The following PRKN variants were observed in gnomAD, a reference collection of about 807,000 sequenced individuals.
PRKN encodes E3 ubiquitin-protein ligase parkin.
A neutral mutation model predicts 59.5 loss-of-function variants in PRKN; 56 were observed. The observed-to-expected ratio is 0.94, with a 90% CI of 0.76 to 1.18. The LOEUF is 1.18. Among genes scored for constraint, PRKN ranks in the 50% most tolerant of loss-of-function variants. PRKN has a pLI of 0.00. For missense variants in PRKN, 657 were observed against 596.4 expected, an observed-to-expected ratio of 1.10 and a Z score of -1.06; for synonymous variants, 250 against 222.1, an observed-to-expected ratio of 1.13 and a Z score of -1.12.
chr6:161,966,038 T>C (rs759659212), intron 6 of PRKN, among the ~76,000 whole-genome samples: 5 of 152,058 alleles, frequency 3.3e-5, no homozygotes, highest in African/African-American at 4.8e-5. Flanking sequence ...TATAAACAGA[T>C]GCAAATTTTC....
chr6:162,698,751 T>C (rs892114622), intron 1 of PRKN, among the ~76,000 whole-genome samples: 7 of 152,204 alleles, frequency 4.6e-5, no homozygotes, highest in Non-Finnish European at 8.8e-5. Flanking sequence ...GTAGTTGTTT[T>C]TGTGATATGT....
At chr6:162,146,961 C>T (rs1211443940) in intron 4 of PRKN, among the ~76,000 whole-genome samples, 1 of 151,768 alleles carries the variant, frequency 6.6e-6, no homozygotes, top group African/African-American at 2.4e-5. Context: ...AAACTCCTGA[C>T]CTCAGGTGAT....
At chr6:162,505,749 T>C (rs576228392) in intron 1 of PRKN, among the ~76,000 whole-genome samples, 13 of 152,074 alleles carry the variant, frequency 8.5e-5, no homozygotes, top group Admixed American at 3.3e-4. Context: ...ACCCATAATA[T>C]GTGATTTACT....
chr6:162,140,288 G>T lies in PRKN; in HGVS notation c.534+60843C>A, dbSNP rs554666695. On this transcript the variant is annotated intron_variant, in intron 4 of 11. Transcript: ENST00000366898. The stretch of plus-strand genomic sequence containing the variant: ...GCCTTTTGCTTTTCATGATAATTTA[G>T]AAAAAAAAGAAATTGAGAAACATAT... Among the ~76,000 whole-genome samples, 4 of 151,774 alleles carry T rather than the reference G, an allele frequency of 2.6e-5. No homozygotes were observed. In the South Asian group the frequency reaches 8.3e-4, roughly 32 times the overall value.
Position 161,529,525 on chromosome 6 carries a change from C to G in PRKN, c.1083+19329G>C, listed in dbSNP as rs1469287419. ...TACTTATGATCTCACAGCAATGGGA[C>G]AGAGAAATGGCTGGTTTCTCTTCAA... On this transcript the variant is annotated intron_variant, in intron 9 of 11. Transcript: ENST00000366898. This position sits in a 1 kb window ranked among gnomAD's most constrained non-coding sequence, Gnocchi z 4.4. Among the ~76,000 whole-genome samples the G allele has an allele frequency of 6.6e-6, 1 of 152,158 alleles. No individual in the cohort carries two copies. The highest frequency in any genetic ancestry group is 1.9e-4 in the East Asian group (1 of 5,196).
intron 4 of PRKN, among the ~76,000 whole-genome samples, chr6:162,190,678 T>G (rs1784240182): frequency 6.6e-6 from 1 of 152,240 alleles, no homozygotes; most frequent in Admixed American, 6.6e-5. Context: ...TGTACTGGCT[T>G]GCCTCATTCT....
At chr6:162,004,015 C>T (rs1271343903) in intron 5 of PRKN, among the ~76,000 whole-genome samples, 3 of 152,184 alleles carry the variant, frequency 2.0e-5, no homozygotes, top group Non-Finnish European at 4.4e-5. Flanking sequence ...TCTCGTCACA[C>T]AGATAAATTA....
intron 6 of PRKN, among the ~76,000 whole-genome samples, chr6:161,911,760 C>T (rs916738269): frequency 1.3e-5 from 2 of 152,110 alleles, no homozygotes; most frequent in African/African-American, 2.4e-5. Flanking sequence ...TAATACAGTA[C>T]TGGAACAGGT....
chr6:161,974,001 T>C (rs1277887808), intron 5 of PRKN, among the ~76,000 whole-genome samples: 1 of 152,196 alleles, frequency 6.6e-6, no homozygotes, highest in Non-Finnish European at 1.5e-5. Context: ...GCGCGTTGGC[T>C]CGCGCCTGTA....
intron 7 of PRKN, among the ~76,000 whole-genome samples, chr6:161,606,230 C>T (rs2128144949): frequency 6.6e-6 from 1 of 152,276 alleles, no homozygotes. Flanking sequence ...GTGGAAGCTG[C>T]TCAACTCTCC....
intron 6 of PRKN, among the ~76,000 whole-genome samples, chr6:161,934,549 G>A (rs1454717627): frequency 1.3e-5 from 2 of 151,992 alleles, no homozygotes; most frequent in Non-Finnish European, 2.9e-5. Flanking sequence ...TCTGCCTACA[G>A]AGCAGAGATT....
chr6:162,725,185 C>T (rs1295822488), intron 1 of PRKN, among the ~76,000 whole-genome samples: 8 of 152,146 alleles, frequency 5.3e-5, no homozygotes, highest in African/African-American at 7.2e-5. Context: ...TCCCGAATCC[C>T]GCAACAAGGT....
At chr6:162,052,339 GT>G (rs1777677998) in intron 5 of PRKN, among the ~76,000 whole-genome samples, 1 of 151,626 alleles carries the variant, frequency 6.6e-6, no homozygotes, top group South Asian at 2.1e-4. Context: ...ATTTCCAATC[GT>G]TTTGTTTTGT....
chr6:161,997,349 G>A (rs1781886398), intron 5 of PRKN, among the ~76,000 whole-genome samples: 1 of 152,038 alleles, frequency 6.6e-6, no homozygotes, highest in South Asian at 2.1e-4. Flanking sequence ...GCCTCCTGGG[G>A]TTCTGTTGCT....
At chr6:161,921,169 C>T (rs981102079) in intron 6 of PRKN, among the ~76,000 whole-genome samples, 2 of 151,996 alleles carry the variant, frequency 1.3e-5, no homozygotes, top group Non-Finnish European at 2.9e-5. Flanking sequence ...ACTTTTTAAA[C>T]TTTTTGTTGA....
At chr6:162,321,364 T>A (rs1783017132) in intron 2 of PRKN, among the ~76,000 whole-genome samples, 1 of 151,922 alleles carries the variant, frequency 6.6e-6, no homozygotes, top group South Asian at 2.1e-4. Context: ...TTATGTCTAT[T>A]GAAGAAACTG....
intron 2 of PRKN, among the ~76,000 whole-genome samples, chr6:162,427,903 G>T (rs1010319993): frequency 6.6e-6 from 1 of 152,076 alleles, no homozygotes; most frequent in African/African-American, 2.4e-5. Flanking sequence ...CCAAGTTCAG[G>T]ATAATAGTTA....
chr6:161,713,978 C>T (rs1786863006), intron 7 of PRKN, among the ~76,000 whole-genome samples: 1 of 152,132 alleles, frequency 6.6e-6, no homozygotes, highest in Admixed American at 6.5e-5. Flanking sequence ...CTCCTCCTTC[C>T]CCTTCTGCCA....
intron 7 of PRKN, among the ~76,000 whole-genome samples, chr6:161,666,443 T>C (rs78172804): frequency 0.043 from 6,595 of 152,296 alleles, 207 homozygotes; most frequent in Middle Eastern, 0.078. Context: ...CCACTCACCC[T>C]GTTTGTGGAA....
Sources: gnomAD v4.1 joint callset for allele counts (sites outside exome capture counted in the v4.1 genomes callset) on GRCh38, gnomAD v4.1.1 for gene constraint, Gnocchi (gnomAD v3.1) non-coding constraint, MANE v1.5 for transcripts, NCBI Gene and HGNC (gene_info 2026-07-23, HGNC 2026-07-21) for gene names.